PCP2: variants seen among roughly 807,000 people sequenced by gnomAD.
The protein encoded by PCP2 is Purkinje cell protein 2 homolog.
A neutral mutation model predicts 18.3 loss-of-function variants in PCP2; 21 were observed. The ratio of observed to expected loss-of-function variants is 1.14; its 90% CI spans 0.81 to 1.65. The LOEUF is 1.65. Ranked by LOEUF, PCP2 falls within the 40% of genes most tolerant of loss-of-function variation. The pLI is 0.00. For synonymous variants in PCP2, 85 were observed against 77.6 expected (o/e 1.10, Z -0.50); for missense variants, 202 against 201.8 (o/e 1.00, Z 0.00).
rs1176404434 is a variant in PCP2 at position 7,632,492 on chromosome 19, G to T, written c.192C>A (p.Asp64Glu). 3 of 1,613,628 alleles carry T rather than the reference G, an allele frequency of 1.9e-6. No homozygotes were observed. In the East Asian group the frequency reaches 6.7e-5, roughly 36 times the overall value. The change falls in exon 3 of 4, where the codon GAC becomes GAA. Residue 64 changes from aspartate to glutamate, a missense_variant. By Grantham distance (45) the Asp-to-Glu change is conservative (BLOSUM62 2). Transcript: ENST00000311069. The surrounding 1 kb of genome is among the most constrained non-coding windows in gnomAD (Gnocchi z 5.2). ...TACTGGCCAGCATGTCCATGAGGCT[G>T]TCCATCTCGGGGGTGGGGTCGCTCT... ...KSQSDPTPEM[D>E]SLMDMLASTQ...
At position 7,632,526 on chromosome 19, in the gene PCP2, A is replaced by G. The variant is rs1206536430; in HGVS notation, c.167-9T>C. The stretch of plus-strand genomic sequence containing the variant: ...GGGGGTGGGGTCGCTCTCTGCGTGG[A>G]CGTTCACAGACTTGGGAGGACACAG... On this transcript the variant is annotated splice_polypyrimidine_tract_variant and intron_variant, in intron 2 of 3. Coordinates refer to ENST00000311069, the MANE Select transcript of PCP2 (RefSeq NM_174895.3). The surrounding 1 kb of genome is among the most constrained non-coding windows in gnomAD (Gnocchi z 5.2). 1 of 1,612,272 alleles carries G rather than the reference A, an allele frequency of 6.2e-7. No individual in the cohort carries two copies. Among genetic ancestry groups the G allele is most frequent in the Non-Finnish European group, 8.5e-7 (1 of 1,179,746 alleles).
In PCP2 at chr19:7,632,891, C is replaced by G; in HGVS notation, c.52-61G>C. 1 of 1,530,268 alleles carries G rather than the reference C, an allele frequency of 6.5e-7. No homozygotes were observed. Among genetic ancestry groups the G allele is most frequent in the Admixed American group, 2.0e-5 (1 of 50,506 alleles). 94.8% of individuals were successfully genotyped at this position (1,530,268 alleles called of 1,614,324 possible). A position where few individuals can be genotyped will look rare whatever the true frequency, so the allele number is the denominator to read the frequency against. On this transcript the variant is annotated intron_variant, in intron 1 of 3. Transcript: ENST00000311069. This position sits in a 1 kb window ranked among gnomAD's most constrained non-coding sequence, Gnocchi z 5.2. ...AGCTTGGGGGCCCCTCCCCAAACTT[C>G]CTAGCCAGCTTGCTCACACCCTGAC...
chr19:7,632,373 A>C lies in PCP2; in HGVS notation c.291+20T>G, dbSNP rs754400088. On this transcript the variant is annotated intron_variant, in intron 3 of 3. Coordinates refer to ENST00000311069, the MANE Select transcript of PCP2 (RefSeq NM_174895.3). This position sits in a 1 kb window ranked among gnomAD's most constrained non-coding sequence, Gnocchi z 5.2. ...ACTGCCTGGCGGGTTTCTCCTCGACATCGCCAGAACATCACCTACCTTGGA... is the reference window on the plus strand; with the variant it reads ...ACTGCCTGGCGGGTTTCTCCTCGACCTCGCCAGAACATCACCTACCTTGGA... 2 of 1,613,202 alleles carry C rather than the reference A, an allele frequency of 1.2e-6. No homozygotes were observed. Among genetic ancestry groups the C allele is most frequent in the African/African-American group, 2.7e-5 (2 of 74,906 alleles).
Position 7,631,710 on chromosome 19 carries a change from C to T in PCP2, c.390G>A (p.Gln130=). The change falls in exon 4 of 4, where the codon CAG becomes CAA. Residue 130 remains glutamine, a synonymous_variant. Transcript: ENST00000311069. ...ALGFRRNSSP[Q]PPTQAP is the part of the protein sequence containing the mutation. ...GCCCTCAGGGGGCTTGTGTCGGGGG[C>T]TGGGGGCTGCTGTTCCGACGGAAGC... is the stretch of plus-strand genomic sequence containing the variant. The T allele has an allele frequency of 1.4e-6, 2 of 1,447,624 alleles. No homozygotes were observed. The highest frequency in any genetic ancestry group is 1.8e-6 in the Non-Finnish European group (2 of 1,099,018). The allele number at this position is 1,447,624 out of a possible 1,614,324, so 89.7% of individuals were successfully genotyped here.
chr19:7,632,122 G>A lies in PCP2; in HGVS notation c.291+271C>T. 5.2e-6 allele frequency: 3 copies of A among 575,940 alleles called. No homozygotes were observed. The highest frequency in any genetic ancestry group is 2.5e-5 in the South Asian group (1 of 40,492). 35.7% of individuals were successfully genotyped at this position (575,940 alleles called of 1,614,324 possible). On this transcript the variant is annotated intron_variant, in intron 3 of 3. Coordinates refer to ENST00000311069, the MANE Select transcript of PCP2 (RefSeq NM_174895.3). This position sits in a 1 kb window ranked among gnomAD's most constrained non-coding sequence, Gnocchi z 5.2. ...CTCCCTGGGATACTTTCCTAGGAAG[G>A]GGTCCTATTTTCTCCCTTTGGCCTC...
At position 7,632,917 on chromosome 19, in the gene PCP2, C is replaced by G; in HGVS notation, c.52-87G>C. On this transcript the variant is annotated intron_variant, in intron 1 of 3. Coordinates refer to ENST00000311069, the MANE Select transcript of PCP2 (RefSeq NM_174895.3). This position sits in a 1 kb window ranked among gnomAD's most constrained non-coding sequence, Gnocchi z 5.2. ...CTAGCCAGCTTGCTCACACCCTGAC[C>G]CCGGGGCCTGCCGTCCCCACTTCCT... 6.6e-7 allele frequency: 1 copy of G among 1,505,036 alleles called. No individual in the cohort carries two copies. Among genetic ancestry groups the G allele is most frequent in the South Asian group, 1.3e-5 (1 of 79,312 alleles). The allele number at this position is 1,505,036 out of a possible 1,614,324, so 93.2% of individuals were successfully genotyped here.
At position 7,632,365 on chromosome 19, in the gene PCP2, TCCTCGACATCG is replaced by T. The variant is rs769378501; in HGVS notation, c.291+17_291+27del. ...CGGAGAGCACTGCCTGGCGGGTTTCTCCTCGACATCGCCAGAACATCACCTACCTTGGACCC... is the reference window on the plus strand; with the variant it reads ...CGGAGAGCACTGCCTGGCGGGTTTCTCCAGAACATCACCTACCTTGGACCC... On this transcript the variant is annotated intron_variant, in intron 3 of 3. Coordinates refer to ENST00000311069, the MANE Select transcript of PCP2 (RefSeq NM_174895.3). The surrounding 1 kb of genome is among the most constrained non-coding windows in gnomAD (Gnocchi z 5.2). The T allele has an allele frequency of 1.9e-5, 31 of 1,612,850 alleles. No individual in the cohort carries two copies. Among genetic ancestry groups the T allele is most frequent in the Non-Finnish European group, 2.5e-5 (29 of 1,179,668 alleles).
At chr19:7,631,857 G>C in intron 3 of PCP2, 49 bp from the exon 4 acceptor site, 3 of 1,369,024 alleles carry the variant, frequency 2.2e-6, no homozygotes, top group Non-Finnish European at 2.8e-6. Context: ...GGGCAGTGCC[G>C]GCCACAGGTG....
At chr19:7,636,850 G>T (rs1234551080), upstream of PCP2, 1 of 355,090 alleles carries the variant, frequency 2.8e-6, no homozygotes, top group African/African-American at 2.1e-5. Context: ...AGGGATTATT[G>T]CCCTGCGATC....
upstream of PCP2, chr19:7,633,966 C>T (rs1475117212): frequency 6.5e-6 from 1 of 153,530 alleles, no homozygotes; most frequent in Non-Finnish European, 1.4e-5. Flanking sequence ...GCCTCAGACA[C>T]CACCGGCCAC....
At chr19:7,634,494 G>C (rs574334289), upstream of PCP2, among the ~76,000 whole-genome samples, 1 of 152,188 alleles carries the variant, frequency 6.6e-6, no homozygotes, top group African/African-American at 2.4e-5. Context: ...CCAGAACAAA[G>C]TGTCATAGAC....
rs2146196335 is a variant in PCP2 at position 7,632,563 on chromosome 19, GC to G, written c.167-47del. The G allele has an allele frequency of 1.9e-6, 3 of 1,605,514 alleles. No homozygotes were observed. The highest frequency in any genetic ancestry group is 8.5e-7 in the Non-Finnish European group (1 of 1,176,626). ...TTGGGAGGACACAGCCGGAGTGGGG[GC>G]CCCCAACCCTACCCCTTCACCCCCA... On this transcript the variant is annotated intron_variant, in intron 2 of 3. Transcript: ENST00000311069. The surrounding 1 kb of genome is among the most constrained non-coding windows in gnomAD (Gnocchi z 5.2).
chr19:7,633,447 T>G lies in PCP2; in HGVS notation c.11A>C (p.Gln4Pro). Reference protein sequence around the residue: MMDQEEKTEEGSGP... With the variant: MMDPEEKTEEGSGP... ...TGAGCCTTCCTCCGTCTTCTCCTCCTGATCCATCATGTCCCTGGACTCCAG... is the reference window on the plus strand; with the variant it reads ...TGAGCCTTCCTCCGTCTTCTCCTCCGGATCCATCATGTCCCTGGACTCCAG... Residue 4 changes from glutamine to proline, a missense_variant, in exon 1 of 4, where the codon CAG becomes CCG. Gln to Pro is a moderately conservative substitution (Grantham distance 76). Coordinates refer to ENST00000311069, the MANE Select transcript of PCP2 (RefSeq NM_174895.3). The G allele has an allele frequency of 3.2e-6, 5 of 1,576,792 alleles. No individual in the cohort carries two copies. The highest frequency in any genetic ancestry group is 4.3e-6 in the Non-Finnish European group (5 of 1,159,834).
In PCP2 at chr19:7,633,411, G is replaced by A; in HGVS notation, c.47C>T (p.Ala16Val). 2 of 1,571,094 alleles carry A rather than the reference G, an allele frequency of 1.3e-6. No homozygotes were observed. The highest frequency in any genetic ancestry group is 1.3e-5 in the African/African-American group (1 of 74,254). The change falls in exon 1 of 4, where the codon GCC becomes GTC. Residue 16 changes from alanine to valine, a missense_variant. Ala to Val is a moderately conservative substitution (Grantham distance 64). Transcript: ENST00000311069. The stretch of plus-strand genomic sequence containing the variant: ...GTGGGGGCAGGGCCCTCTCACCTCG[G>A]CACAGGGGCCTGAGCCTTCCTCCGT... ...EKTEEGSGPC[A>V]EAGSPDQEGF... is the part of the protein sequence containing the mutation.
Position 7,633,510 on chromosome 19 carries a change from G to A in PCP2, c.-53C>T, listed in dbSNP as rs2031423591. ...TGGCCTCTGCCCCGGCCCAGTGCCA[G>A]AGAGGGCCTTTTAAACGTCCAGGAC... On this transcript the variant is annotated 5_prime_UTR_variant, in exon 1 of 4. Coordinates refer to ENST00000311069, the MANE Select transcript of PCP2 (RefSeq NM_174895.3). 2 of 1,538,440 alleles carry A rather than the reference G, an allele frequency of 1.3e-6. No individual in the cohort carries two copies. Among genetic ancestry groups the A allele is most frequent in the African/African-American group, 1.4e-5 (1 of 73,038 alleles).
upstream of PCP2, among the ~76,000 whole-genome samples, chr19:7,635,546 AT>A (rs56659558): frequency 8.1e-3 from 1,213 of 149,468 alleles, 21 homozygotes; most frequent in African/African-American, 0.03. Flanking sequence ...CAACAACAAA[AT>A]CAACCGGGCA....
chr19:7,633,090 G>T, intron 1 of PCP2: 1 of 1,195,972 alleles, frequency 8.4e-7, no homozygotes, highest in Non-Finnish European at 1.1e-6. Flanking sequence ...AGGCTCCGAT[G>T]CGTGTCCCGC....
upstream of PCP2, chr19:7,636,496 C>G (rs116710632): frequency 6.6e-6 from 1 of 152,124 alleles, no homozygotes; most frequent in Non-Finnish European, 1.5e-5. Context: ...TGACAAATGC[C>G]CCCTGGGGAC....
chr19:7,632,503 G>T lies in PCP2; in HGVS notation c.181C>A (p.Pro61Thr). The T allele has an allele frequency of 4.3e-6, 7 of 1,613,402 alleles. No individual in the cohort carries two copies. The highest frequency in any genetic ancestry group is 5.9e-6 in the Non-Finnish European group (7 of 1,179,952). ...ATGTCCATGAGGCTGTCCATCTCGG[G>T]GGTGGGGTCGCTCTCTGCGTGGACG... is the stretch of plus-strand genomic sequence containing the variant. ...QTTKSQSDPT[P>T]EMDSLMDMLA... The change falls in exon 3 of 4, where the codon CCC becomes ACC. Residue 61 changes from proline (P) to threonine (T), a missense_variant. Transcript: ENST00000311069. The surrounding 1 kb of genome is among the most constrained non-coding windows in gnomAD (Gnocchi z 5.2).
Sources: gnomAD v4.1 joint callset for allele counts (sites outside exome capture counted in the v4.1 genomes callset) on GRCh38, gnomAD v4.1.1 for gene constraint, Gnocchi (gnomAD v3.1) non-coding constraint, MANE v1.5 for transcripts, NCBI Gene and HGNC (gene_info 2026-07-23, HGNC 2026-07-21) for gene names.